PCDHGA11: variants seen among roughly 807,000 people sequenced by gnomAD.
The protein encoded by PCDHGA11 is protocadherin gamma-A11.
PCDHGA11 carries 39 observed loss-of-function variants against 60.4 expected under a neutral mutation model. The observed-to-expected ratio is 0.65, with a 90% confidence interval of 0.50 to 0.84. The LOEUF is 0.84. PCDHGA11 is among the 40% of genes least tolerant of loss of function. PCDHGA11 has a pLI of 0.00. For missense variants in PCDHGA11, 1,165 were observed against 1,197.7 expected (o/e 0.97, Z 0.40); for synonymous variants, 533 against 510.3 (o/e 1.04, Z -0.60).
rs745989563 is a variant in PCDHGA11, at chr5:141,490,728, T to G, written c.2434-4079T>G. The G allele has an allele frequency of 6.2e-7, 1 of 1,614,148 alleles. No individual in the cohort carries two copies. Among genetic ancestry groups the G allele is most frequent in the East Asian group, 2.2e-5 (1 of 44,882 alleles). ...GCCTCACCTACTCCATTGTAGGAAA[T>G]CAGGTTCAGGGAGCCCCAGCCTCCT... On this transcript the variant is annotated intron_variant, in intron 1 of 3. Transcript: ENST00000398587. The surrounding 1 kb of genome is among the most constrained non-coding windows in gnomAD (Gnocchi z 5.4).
chr5:141,421,055 C>A lies in PCDHGA11; in HGVS notation c.-173C>A. On this transcript the variant is annotated 5_prime_UTR_variant, in exon 1 of 4. Transcript: ENST00000398587. ...GTCCCTCCCTCCCCCGCCTCTACCA[C>A]ACAAAGCGGAATGAGATGGATACTC... The A allele has an allele frequency of 3.5e-6, 2 of 577,118 alleles. No homozygotes were observed. The highest frequency in any genetic ancestry group is 2.4e-5 in the South Asian group (1 of 41,226). 35.7% of individuals were successfully genotyped at this position (577,118 alleles called of 1,614,324 possible).
chr5:141,510,472 G>A (rs1209464436), intron 3 of PCDHGA11, among the ~76,000 whole-genome samples: 7 of 152,102 alleles, frequency 4.6e-5, no homozygotes, highest in Non-Finnish European at 1.0e-4. Context: ...GGAGTCAGAG[G>A]CTCCCTTGAG....
chr5:141,449,756 T>C (rs2098654563), intron 1 of PCDHGA11, among the ~76,000 whole-genome samples: 1 of 151,728 alleles, frequency 6.6e-6, no homozygotes, highest in South Asian at 2.1e-4. Flanking sequence ...TTTATGACAT[T>C]TGAGAGTAAG....
At chr5:141,481,024 C>CTGGA (rs1200299352) in intron 1 of PCDHGA11, among the ~76,000 whole-genome samples, 3 of 152,122 alleles carry the variant, frequency 2.0e-5, no homozygotes, top group Admixed American at 1.3e-4. Flanking sequence ...CACCACTGCA[C>CTGGA]TCCAGCCTGG....
chr5:141,508,826 C>T (rs2099872187), intron 3 of PCDHGA11, among the ~76,000 whole-genome samples: 1 of 152,092 alleles, frequency 6.6e-6, no homozygotes, highest in South Asian at 2.1e-4. Context: ...AGATCTGGGC[C>T]CCCCTCCCCT....
chr5:141,462,824 A>T (rs1561993844), intron 1 of PCDHGA11, among the ~76,000 whole-genome samples: 1 of 152,158 alleles, frequency 6.6e-6, no homozygotes, highest in Non-Finnish European at 1.5e-5. Flanking sequence ...TGGACAGCAG[A>T]CATTGTAAAT....
chr5:141,438,074 T>C (rs963146682), intron 1 of PCDHGA11, among the ~76,000 whole-genome samples: 10 of 152,116 alleles, frequency 6.6e-5, no homozygotes, highest in African/African-American at 2.4e-4. Flanking sequence ...CCATACTTAA[T>C]GGAAAATTAC....
Position 141,490,795 on chromosome 5 carries a change from C to G in PCDHGA11, c.2434-4012C>G. The G allele has an allele frequency of 6.2e-7, 1 of 1,614,036 alleles. No homozygotes were observed. The highest frequency in any genetic ancestry group is 1.1e-5 in the South Asian group (1 of 91,084). Reference sequence around the variant, plus strand: ...CCCAGAGGATGGACGGATCTTTGCCCAGCGTACCTTTGACTATGAATTGCT... The same window carrying G: ...CCCAGAGGATGGACGGATCTTTGCCGAGCGTACCTTTGACTATGAATTGCT... On this transcript the variant is annotated intron_variant, in intron 1 of 3. Transcript: ENST00000398587. This position sits in a 1 kb window ranked among gnomAD's most constrained non-coding sequence, Gnocchi z 5.4.
intron 2 of PCDHGA11, among the ~76,000 whole-genome samples, chr5:141,502,866 C>CTTTTT (rs549047197): frequency 1.6e-5 from 2 of 128,044 alleles, no homozygotes; most frequent in Non-Finnish European, 1.6e-5. Flanking sequence ...GACTCTCTGT[C>CTTTTT]TTTTTTTTTT....
At chr5:141,500,619 G>A (rs1230172485) in intron 2 of PCDHGA11, among the ~76,000 whole-genome samples, 1 of 152,072 alleles carries the variant, frequency 6.6e-6, no homozygotes, top group East Asian at 1.9e-4. Context: ...CCAGTCATAC[G>A]GTACATTTCC....
chr5:141,487,429 C>A lies in PCDHGA11; in HGVS notation c.2434-7378C>A. 1 of 1,614,162 alleles carries A rather than the reference C, an allele frequency of 6.2e-7. No individual in the cohort carries two copies. Among genetic ancestry groups the A allele is most frequent in the Non-Finnish European group, 8.5e-7 (1 of 1,180,018 alleles). On this transcript the variant is annotated intron_variant, in intron 1 of 3. Transcript: ENST00000398587. The surrounding 1 kb of genome is among the most constrained non-coding windows in gnomAD (Gnocchi z 5.0). ...CCCCTTCCAATGGGATCCTCCGAAT[C>A]CAGCTAGGGTCAGATGACCCTATCA...
intron 2 of PCDHGA11, among the ~76,000 whole-genome samples, chr5:141,503,075 G>C (rs1373753092): frequency 6.6e-6 from 1 of 151,438 alleles, no homozygotes; most frequent in Non-Finnish European, 1.5e-5. Context: ...GAATGGTCTC[G>C]ATCTCCTGAC....
rs576937130 is a variant in PCDHGA11 at position 141,427,508 on chromosome 5, G to A, written c.2433+3848G>A. ...ATAAGCTTGTAACAGATGGGACCCT[G>A]GATTGGGAGCGGATCCCGGAGTACA... On this transcript the variant is annotated intron_variant, in intron 1 of 3. Transcript: ENST00000398587. 9.9e-4 allele frequency: 584 copies of A among 587,058 alleles called. 6 individuals carry two copies. The highest frequency in any genetic ancestry group is 3.0e-4 in the Non-Finnish European group (94 of 311,294). The allele number at this position is 587,058 out of a possible 1,614,324, so 36.4% of individuals were successfully genotyped here.
In PCDHGA11 at chr5:141,432,293, G is replaced by T. The variant is rs765631138; in HGVS notation, c.2433+8633G>T. ...CTACGTGTCCATCAACTCCGACACT[G>T]GGGTACTGTATGCGCTGAGCTCCTT... On this transcript the variant is annotated intron_variant, in intron 1 of 3. Coordinates refer to ENST00000398587, the MANE Select transcript of PCDHGA11 (RefSeq NM_018914.3). The surrounding 1 kb of genome is among the most constrained non-coding windows in gnomAD (Gnocchi z 6.0). 1.2e-6 allele frequency: 2 copies of T among 1,614,136 alleles called. No individual in the cohort carries two copies. Among genetic ancestry groups the T allele is most frequent in the African/African-American group, 1.3e-5 (1 of 74,950 alleles).
Position 141,489,273 on chromosome 5 carries a change from G to GA in PCDHGA11, c.2434-5531dup. The GA allele has an allele frequency of 6.4e-7, 1 of 1,555,870 alleles. No individual in the cohort carries two copies. The highest frequency in any genetic ancestry group is 2.2e-5 in the East Asian group (1 of 44,466). On this transcript the variant is annotated intron_variant, in intron 1 of 3. Coordinates refer to ENST00000398587, the MANE Select transcript of PCDHGA11 (RefSeq NM_018914.3). The surrounding 1 kb of genome is among the most constrained non-coding windows in gnomAD (Gnocchi z 4.5). ...CCAAGACACTCCCACAGCTCGCTGG[G>GA]AAATGGCAAGTGCTGTGCATGTTGT...
rs2099611311 is a variant in PCDHGA11 at position 141,485,311 on chromosome 5, G to A, written c.2434-9496G>A. 3.1e-6 allele frequency: 5 copies of A among 1,614,174 alleles called. No individual in the cohort carries two copies. The East Asian group carries it at 6.7e-5, about 22-fold the overall frequency. ...AGTCACAGGAAGGGACTTTTGTAGGGAATGTCGCTCAAGATTTCCTGCTGG... is the reference window on the plus strand; with the variant it reads ...AGTCACAGGAAGGGACTTTTGTAGGAAATGTCGCTCAAGATTTCCTGCTGG... On this transcript the variant is annotated intron_variant, in intron 1 of 3. Transcript: ENST00000398587. The surrounding 1 kb of genome is among the most constrained non-coding windows in gnomAD (Gnocchi z 5.7).
At chr5:141,460,368 G>A (rs1005554535) in intron 1 of PCDHGA11, among the ~76,000 whole-genome samples, 1 of 152,050 alleles carries the variant, frequency 6.6e-6, no homozygotes. Context: ...AAGTTTTATA[G>A]TTTTACCATT....
At chr5:141,509,319 G>A (rs1427191152) in intron 3 of PCDHGA11, among the ~76,000 whole-genome samples, 3 of 152,216 alleles carry the variant, frequency 2.0e-5, no homozygotes, top group African/African-American at 4.8e-5. Context: ...TGGGAGAGAA[G>A]CTCTACTGCC....
chr5:141,484,867 G>C lies in PCDHGA11; in HGVS notation c.2434-9940G>C, dbSNP rs573580017. The C allele has an allele frequency of 1.8e-5, 5 of 282,560 alleles. No homozygotes were observed. The Admixed American group carries it at 1.9e-4, about 11-fold the overall frequency. The allele number at this position is 282,560 out of a possible 1,614,324, so 17.5% of individuals were successfully genotyped here. A position where few individuals can be genotyped will look rare whatever the true frequency, so the allele number is the denominator to read the frequency against. ...TGGGTTTTTTGGGGGGTGGGGGAGC[G>C]TGGAGGATAGGGTGGGCTTTTTCCC... On this transcript the variant is annotated intron_variant, in intron 1 of 3. Coordinates refer to ENST00000398587, the MANE Select transcript of PCDHGA11 (RefSeq NM_018914.3).
Sources: gnomAD v4.1 joint callset for allele counts (sites outside exome capture counted in the v4.1 genomes callset) on GRCh38, gnomAD v4.1.1 for gene constraint, Gnocchi (gnomAD v3.1) non-coding constraint, MANE v1.5 for transcripts, NCBI Gene and HGNC (gene_info 2026-07-23, HGNC 2026-07-21) for gene names.